Variants in SGCZ observed in about 807,000 individuals in gnomAD.
SGCZ encodes sarcoglycan zeta.
Under a neutral mutation model 41.3 loss-of-function variants are expected in SGCZ, and 40 were observed. The observed-to-expected ratio is 0.97, with a 90% CI of 0.75 to 1.26. SGCZ has a LOEUF of 1.26. SGCZ is among the 50% of genes most tolerant of loss of function. The probability of loss-of-function intolerance (pLI) is 0.00; values close to 1 mark genes in which losing one functional copy is unlikely to be tolerated. For synonymous variants in SGCZ, 206 were observed against 137.5 expected (o/e 1.50, Z -3.49); for missense variants, 552 against 369.8 (o/e 1.49, Z -4.04).
intron 1 of SGCZ, among the ~76,000 whole-genome samples, chr8:14,877,344 G>A (rs982743311): frequency 1.3e-5 from 2 of 152,130 alleles, no homozygotes; most frequent in Non-Finnish European, 2.9e-5. Context: ...ACACCATTAC[G>A]AAGAAAACAA....
intron 1 of SGCZ, among the ~76,000 whole-genome samples, chr8:15,032,134 T>G (rs985580078): frequency 6.6e-6 from 1 of 152,130 alleles, no homozygotes; most frequent in African/African-American, 2.4e-5. Context: ...TATTTGGTAT[T>G]GTCTTCAGAC....
At chr8:15,081,737 T>A (rs1323484809) in intron 1 of SGCZ, among the ~76,000 whole-genome samples, 1 of 152,130 alleles carries the variant, frequency 6.6e-6, no homozygotes, top group East Asian at 1.9e-4. Flanking sequence ...CAACACCAAT[T>A]TCCTTAAGAG....
chr8:14,731,274 C>T (rs1015167566), intron 1 of SGCZ, among the ~76,000 whole-genome samples: 1 of 148,862 alleles, frequency 6.7e-6, no homozygotes, highest in Non-Finnish European at 1.5e-5. Context: ...TCTCAGCAAA[C>T]TAACACAGGA....
At chr8:14,873,480 G>A (rs962823679) in intron 1 of SGCZ, among the ~76,000 whole-genome samples, 1 of 152,090 alleles carries the variant, frequency 6.6e-6, no homozygotes, top group Admixed American at 6.6e-5. Context: ...TTTGTAAGGT[G>A]GGGTTGATGG....
intron 1 of SGCZ, among the ~76,000 whole-genome samples, chr8:14,670,571 G>C (rs11203655): frequency 0.54 from 81,326 of 151,264 alleles, 23,381 homozygotes; most frequent in East Asian, 0.74. Context: ...AATGGGATAT[G>C]AGCAGATCTA....
intron 3 of SGCZ, among the ~76,000 whole-genome samples, chr8:14,256,408 T>A (rs1799466548): frequency 6.6e-6 from 1 of 152,154 alleles, no homozygotes; most frequent in Non-Finnish European, 1.5e-5. Context: ...TGGAACTTGT[T>A]AGCACTCTGA....
At chr8:14,766,208 C>A (rs994582438) in intron 1 of SGCZ, among the ~76,000 whole-genome samples, 23 of 152,140 alleles carry the variant, frequency 1.5e-4, no homozygotes, top group Non-Finnish European at 7.4e-5. Flanking sequence ...GATCCGCCCG[C>A]CTCGACTTCC....
intron 1 of SGCZ, among the ~76,000 whole-genome samples, chr8:15,062,992 T>C (rs1418721669): frequency 6.6e-6 from 1 of 152,148 alleles, no homozygotes; most frequent in Non-Finnish European, 1.5e-5. Context: ...TTTAAAATGG[T>C]ACTCACAGTG....
rs533899604 is a variant in SGCZ at position 15,008,160 on chromosome 8, T to C, written c.39+229425A>G. ...ATCCCATTTTCTCTCTCTTTACATATCTCTGCACCTACTTGAAGCACTCAT... is the reference window on the plus strand; with the variant it reads ...ATCCCATTTTCTCTCTCTTTACATACCTCTGCACCTACTTGAAGCACTCAT... On this transcript the variant is annotated intron_variant, in intron 1 of 7. Transcript: ENST00000382080. Among the ~76,000 whole-genome samples the C allele has an allele frequency of 6.6e-5, 10 of 152,284 alleles. No homozygotes were observed. In the South Asian group the frequency reaches 1.9e-3, roughly 28 times the overall value.
chr8:14,237,456 C>T, intron 4 of SGCZ, 136 bp downstream of exon 4: 2 of 799,618 alleles, frequency 2.5e-6, no homozygotes, highest in Non-Finnish European at 4.1e-6. Context: ...TGCACTCCAG[C>T]CTGGTGACAG....
rs1801979963 is a variant in SGCZ, at chr8:14,496,105, A to T, written c.234+58627T>A. Among the ~76,000 whole-genome samples, 9 of 149,444 alleles carry T rather than the reference A, an allele frequency of 6.0e-5. No individual in the cohort carries two copies. The Admixed American group carries it at 6.1e-4, about 10-fold the overall frequency. On this transcript the variant is annotated intron_variant, in intron 2 of 7. Coordinates refer to ENST00000382080, the MANE Select transcript of SGCZ (RefSeq NM_139167.4). ...TTAAGGGATAGGCTCTCATTCTGTC[A>T]CCCAGGCTATAGTGCAGTGGCGTGA...
At chr8:15,013,360 C>G (rs568899994) in intron 1 of SGCZ, among the ~76,000 whole-genome samples, 9 of 152,136 alleles carry the variant, frequency 5.9e-5, no homozygotes, top group Non-Finnish European at 1.2e-4. Context: ...GAAAGGACTT[C>G]GTTGAGCATG....
intron 1 of SGCZ, among the ~76,000 whole-genome samples, chr8:14,574,124 C>G (rs1804638881): frequency 6.6e-6 from 1 of 152,128 alleles, no homozygotes; most frequent in Admixed American, 6.5e-5. Context: ...TCTAGCTTCA[C>G]AGAAGCATTT....
chr8:14,750,046 C>A (rs954984941), intron 1 of SGCZ, among the ~76,000 whole-genome samples: 11 of 152,110 alleles, frequency 7.2e-5, no homozygotes. Context: ...AAATACCATA[C>A]AAAGCTGGGG....
chr8:14,350,339 T>C (rs1213288606), intron 2 of SGCZ, among the ~76,000 whole-genome samples: 1 of 152,078 alleles, frequency 6.6e-6, no homozygotes, highest in Non-Finnish European at 1.5e-5. Context: ...TCAATAATCT[T>C]AAGAAGCAAA....
At chr8:14,484,064 C>A (rs1267412389) in intron 2 of SGCZ, among the ~76,000 whole-genome samples, 1 of 152,142 alleles carries the variant, frequency 6.6e-6, no homozygotes, top group Admixed American at 6.5e-5. Flanking sequence ...TTAGACATCA[C>A]ATGTTACTTT....
chr8:14,795,467 C>T (rs1801092118), intron 1 of SGCZ, among the ~76,000 whole-genome samples: 2 of 151,766 alleles, frequency 1.3e-5, no homozygotes, highest in Admixed American at 1.3e-4. Flanking sequence ...CTTTTTGAGA[C>T]AGGTTCTTGC....
chr8:14,656,316 CCTT>C (rs1319932129), intron 1 of SGCZ, among the ~76,000 whole-genome samples: 1 of 151,658 alleles, frequency 6.6e-6, no homozygotes, highest in African/African-American at 2.4e-5. Context: ...TTACAGCCCT[CCTT>C]CCTCCTCCTC....
intron 1 of SGCZ, among the ~76,000 whole-genome samples, chr8:14,772,087 A>G (rs939669860): frequency 6.6e-6 from 1 of 152,114 alleles, no homozygotes; most frequent in African/African-American, 2.4e-5. Flanking sequence ...TTCACTTTCA[A>G]TATAGTATTC....
Sources: gnomAD v4.1 joint callset for allele counts (sites outside exome capture counted in the v4.1 genomes callset) on GRCh38, gnomAD v4.1.1 for gene constraint, MANE v1.5 for transcripts, NCBI Gene and HGNC (gene_info 2026-07-23, HGNC 2026-07-21) for gene names.